Variants in VPS13C observed in about 807,000 individuals in gnomAD.
VPS13C encodes the protein intermembrane lipid transfer protein VPS13C.
A neutral mutation model predicts 456.8 loss-of-function variants in VPS13C; 358 were observed. The ratio of observed to expected loss-of-function variants is 0.78; its 90% CI spans 0.72 to 0.86. The LOEUF (loss-of-function observed/expected upper bound fraction) is 0.86, where lower values mean the gene tolerates loss of function less well. Among genes scored for constraint, VPS13C ranks in the 40% least tolerant of loss-of-function variants. VPS13C has a pLI of 0.00. For missense variants in VPS13C, 4,818 were observed against 4,385.4 expected (o/e 1.10, Z -2.79); for synonymous variants, 1,578 against 1,486.7 (o/e 1.06, Z -1.41).
Position 61,880,797 on chromosome 15 carries a change from A to G in VPS13C, c.9888+46T>C, listed in dbSNP as rs186646715. On this transcript the variant is annotated intron_variant, in intron 72 of 84. Coordinates refer to ENST00000644861, the MANE Select transcript of VPS13C (RefSeq NM_020821.3). The stretch of plus-strand genomic sequence containing the variant: ...GAATTCGTTCAAAAGAGGCTGATTT[A>G]AATTTTGTTAATTTTATATTTTCCC... The G allele has an allele frequency of 3.6e-3, 5,566 of 1,557,936 alleles. 10 individuals carry two copies. Among genetic ancestry groups the G allele is most frequent in the Non-Finnish European group, 4.2e-3 (4,802 of 1,154,020 alleles).
Position 61,958,658 on chromosome 15 carries a change from CAG to C in VPS13C, c.4113_4114del (p.Cys1372Ter). The C allele has an allele frequency of 6.4e-7, 1 of 1,574,008 alleles. No individual in the cohort carries two copies. Among genetic ancestry groups the C allele is most frequent in the African/African-American group, 1.4e-5 (1 of 71,938 alleles). On this transcript the variant is annotated frameshift_variant, in exon 37 of 85. Transcript: ENST00000644861. LOFTEE classifies it high-confidence loss of function. Reference sequence around the variant, plus strand: ...TTTATCCAAGTCTTCAGTACCCTCACAGAGATTTTCTGTTAGTATCCTAAATA... The same window carrying C: ...TTTATCCAAGTCTTCAGTACCCTCACAGATTTTCTGTTAGTATCCTAAATA...
chr15:62,006,796 T>A (rs2046865902), intron 15 of VPS13C, among the ~76,000 whole-genome samples: 1 of 152,220 alleles, frequency 6.6e-6, no homozygotes, highest in South Asian at 2.1e-4. Context: ...TGGTCGCCAT[T>A]CTAACTGGTG....
intron 1 of VPS13C, among the ~76,000 whole-genome samples, chr15:62,051,140 A>C (rs574509988): frequency 6.6e-6 from 1 of 152,168 alleles, no homozygotes; most frequent in Non-Finnish European, 1.5e-5. Context: ...ATCTCTCTAA[A>C]CTTTTGCAGA....
chr15:61,913,858 A>G (rs1445833178), intron 61 of VPS13C, among the ~76,000 whole-genome samples: 1 of 152,216 alleles, frequency 6.6e-6, no homozygotes. Context: ...GGAAGACAGC[A>G]GGACACAGTT....
intron 18 of VPS13C, among the ~76,000 whole-genome samples, chr15:61,988,361 C>T (rs952290474): frequency 1.3e-5 from 2 of 152,094 alleles, no homozygotes; most frequent in African/African-American, 4.8e-5. Context: ...TCTGCCTCAA[C>T]CAAATTTTAA....
At position 61,983,612 on chromosome 15, in the gene VPS13C, A is replaced by C. The variant is rs546673696; in HGVS notation, c.1914+208T>G. On this transcript the variant is annotated intron_variant, in intron 20 of 84. Transcript: ENST00000644861. ...AAATTTAACAAAGGCGTAGATAAAT[A>C]AACCTTGGAGTAGGGAAAAATGTAT... 5 of 501,110 alleles carry C rather than the reference A, an allele frequency of 1.0e-5. No individual in the cohort carries two copies. In the South Asian group the frequency reaches 1.8e-4, roughly 18 times the overall value. 31.0% of individuals were successfully genotyped at this position (501,110 alleles called of 1,614,324 possible). A position where few individuals can be genotyped will look rare whatever the true frequency, so the allele number is the denominator to read the frequency against.
rs764142008 is a variant in VPS13C at position 62,028,437 on chromosome 15, A to C, written c.386-17T>G. The C allele has an allele frequency of 1.2e-6, 2 of 1,612,384 alleles. No homozygotes were observed. Reference sequence around the variant, plus strand: ...AATGTGTGCCTGCATCCCACATGGCAGCAATAACCAAAATGCAAAGCAATT... The same window carrying C: ...AATGTGTGCCTGCATCCCACATGGCCGCAATAACCAAAATGCAAAGCAATT... On this transcript the variant is annotated splice_polypyrimidine_tract_variant and intron_variant, in intron 5 of 84. Transcript: ENST00000644861.
intron 1 of VPS13C, among the ~76,000 whole-genome samples, chr15:62,050,892 G>C (rs2048595920): frequency 6.6e-6 from 1 of 150,706 alleles, no homozygotes. Flanking sequence ...AGATGAAAAT[G>C]GAAGTAAATT....
chr15:62,018,711 G>A (rs547014252), intron 9 of VPS13C, among the ~76,000 whole-genome samples: 45 of 152,060 alleles, frequency 3.0e-4, no homozygotes, highest in African/African-American at 1.0e-3. Flanking sequence ...GAGGATTTTT[G>A]CATCGATGTT....
At chr15:62,009,774 C>T (rs1360777963) in intron 13 of VPS13C, among the ~76,000 whole-genome samples, 1 of 152,154 alleles carries the variant, frequency 6.6e-6, no homozygotes, top group African/African-American at 2.4e-5. Context: ...GGCATATAAC[C>T]ATGCTTGGGA....
intron 48 of VPS13C, chr15:61,935,626 A>G (rs948102463): frequency 1.3e-5 from 2 of 152,194 alleles, no homozygotes; most frequent in South Asian, 4.1e-4. Flanking sequence ...CTATAACAAC[A>G]GCCTTTTTAT....
In VPS13C at chr15:61,941,887, C is replaced by G; in HGVS notation, c.5329G>C (p.Val1777Leu). Reference protein sequence around the residue: ...IPQSSVSPNAVIADLGLIRVE... With the variant: ...IPQSSVSPNALIADLGLIRVE... ...CTGATTAAACCCAGATCTGCTATAA[C>G]AGCATTAGGTGATACTGAAGACTGA... Residue 1777 changes from valine (V) to leucine (L), a missense_variant, in exon 46 of 85, where the codon GTT (valine) becomes CTT (leucine). Around this residue, in one of 3 missense-constraint regions of VPS13C, gnomAD observed 4,552 missense variants for 4,130.6 expected, o/e 1.10. Transcript: ENST00000644861. 1.2e-6 allele frequency: 2 copies of G among 1,613,990 alleles called. No homozygotes were observed. The highest frequency in any genetic ancestry group is 1.7e-6 in the Non-Finnish European group (2 of 1,179,920).
intron 19 of VPS13C, 114 bp downstream of exon 19, chr15:61,984,743 A>T: frequency 9.2e-7 from 1 of 1,089,648 alleles, no homozygotes; most frequent in Non-Finnish European, 1.3e-6. Context: ...TGACATATAC[A>T]AGGAAAAGAA....
Position 61,959,544 on chromosome 15 carries a change from T to A in VPS13C, c.3960A>T (p.Pro1320=). The change falls in exon 36 of 85, where the codon CCA becomes CCT. Residue 1320 remains proline (P), a synonymous_variant. Transcript: ENST00000644861. ...IYHPDIQLLH[P]INLEFLVNRN... is the part of the protein sequence containing the mutation. The stretch of plus-strand genomic sequence containing the variant: ...GATTTACAAGAAATTCCAAGTTAAT[T>A]GGGTGCAACAGCTGAATATCAGGAT... 2 of 1,613,164 alleles carry A rather than the reference T, an allele frequency of 1.2e-6. No individual in the cohort carries two copies. The highest frequency in any genetic ancestry group is 1.7e-6 in the Non-Finnish European group (2 of 1,179,380).
chr15:61,996,132 A>C (rs1214395382), intron 16 of VPS13C, among the ~76,000 whole-genome samples: 1 of 152,190 alleles, frequency 6.6e-6, no homozygotes, highest in East Asian at 1.9e-4. Context: ...ACCTGTCAAA[A>C]TCTCAGTCTA....
intron 66 of VPS13C, among the ~76,000 whole-genome samples, chr15:61,899,894 C>T (rs1374625012): frequency 2.0e-5 from 3 of 151,940 alleles, no homozygotes; most frequent in African/African-American, 7.3e-5. Context: ...TCCAGCAGCA[C>T]ATCAAAAAGC....
chr15:61,939,533 G>A (rs971865246), intron 47 of VPS13C, among the ~76,000 whole-genome samples: 1 of 151,950 alleles, frequency 6.6e-6, no homozygotes, highest in African/African-American at 2.4e-5. Flanking sequence ...TTTTTGTTTG[G>A]TTTTGTTTAG....
intron 82 of VPS13C, 66 bp downstream of exon 82, chr15:61,863,374 C>A (rs1430018044): frequency 5.8e-6 from 7 of 1,215,298 alleles, no homozygotes; most frequent in Non-Finnish European, 7.1e-6. Context: ...GCCATTTTAG[C>A]CTTCAAAATT....
chr15:61,990,048 C>T (rs1202182413), intron 18 of VPS13C, among the ~76,000 whole-genome samples: 2 of 152,050 alleles, frequency 1.3e-5, no homozygotes, highest in African/African-American at 2.4e-5. Flanking sequence ...AACTGAATCC[C>T]ATACAGCAAT....
Sources: gnomAD v4.1 joint callset for allele counts (sites outside exome capture counted in the v4.1 genomes callset) on GRCh38, gnomAD v4.1.1 for gene constraint, gnomAD v4.1.1 regional missense constraint, MANE v1.5 for transcripts, NCBI Gene and HGNC (gene_info 2026-07-23, HGNC 2026-07-21) for gene names.